The following CAMK1D variants were observed in gnomAD, a reference collection of about 807,000 sequenced individuals.
CAMK1D encodes the protein calcium/calmodulin-dependent protein kinase type 1D.
In CAMK1D, 9 loss-of-function variants were observed where a neutral mutation model predicts 47.7. The observed-to-expected ratio is 0.19, with a 90% CI of 0.11 to 0.33. The LOEUF (loss-of-function observed/expected upper bound fraction) is 0.33, where lower values mean the gene tolerates loss of function less well. CAMK1D is among the 10% of genes least tolerant of loss of function. The pLI, the probability that CAMK1D is intolerant of heterozygous loss-of-function variation, is 1.00. For missense variants in CAMK1D, 291 were observed against 488.7 expected, an observed-to-expected ratio of 0.60 and a Z score of 3.81; for synonymous variants, 184 against 184.9, an observed-to-expected ratio of 0.99 and a Z score of 0.04.
At chr10:12,417,647 C>T (rs1157944428) in intron 1 of CAMK1D, among the ~76,000 whole-genome samples, 1 of 152,078 alleles carries the variant, frequency 6.6e-6, no homozygotes, top group Non-Finnish European at 1.5e-5. Context: ...CTGGCTCCTT[C>T]AGAAATGAGG....
chr10:12,378,745 C>CT (rs1838255610), intron 1 of CAMK1D, among the ~76,000 whole-genome samples: 1 of 151,650 alleles, frequency 6.6e-6, no homozygotes, highest in Non-Finnish European at 1.5e-5. Context: ...TTACTGGACA[C>CT]TTGCAAGGTT....
At chr10:12,770,966 T>G (rs1472628117) in intron 5 of CAMK1D, among the ~76,000 whole-genome samples, 2 of 152,054 alleles carry the variant, frequency 1.3e-5, no homozygotes, top group African/African-American at 2.4e-5. Context: ...AATCTAGCTG[T>G]GTTGCAAGGT....
intron 1 of CAMK1D, among the ~76,000 whole-genome samples, chr10:12,354,334 C>G (rs1837436179): frequency 6.6e-6 from 1 of 152,112 alleles, no homozygotes; most frequent in African/African-American, 2.4e-5. Context: ...GGACATTGAC[C>G]TACATTACCT....
intron 1 of CAMK1D, among the ~76,000 whole-genome samples, chr10:12,514,921 G>T (rs1450268500): frequency 2.0e-5 from 3 of 152,158 alleles, no homozygotes; most frequent in African/African-American, 7.2e-5. Context: ...TATAATCTTG[G>T]CTCACTGCAG....
chr10:12,424,927 G>A (rs1462709233), intron 1 of CAMK1D, among the ~76,000 whole-genome samples: 1 of 152,230 alleles, frequency 6.6e-6, no homozygotes, highest in Non-Finnish European at 1.5e-5. Flanking sequence ...GTCTGAGACA[G>A]CCCTGGTATA....
At position 12,773,859 on chromosome 10, in the gene CAMK1D, A is replaced by G. The variant is rs61391592; in HGVS notation, c.565+4060A>G. Among the ~76,000 whole-genome samples the G allele has an allele frequency of 7.5e-3, 1,146 of 152,338 alleles. 16 individuals carry two copies. Among genetic ancestry groups the G allele is most frequent in the African/African-American group, 0.026 (1,095 of 41,576 alleles). On this transcript the variant is annotated intron_variant, in intron 5 of 10. Coordinates refer to ENST00000619168, the MANE Select transcript of CAMK1D (RefSeq NM_153498.4). Reference sequence around the variant, plus strand: ...GGTTGCAGTGAGCTGAGATTGCGCCACTGCACTCCAGCCTGGGCAATAGAG... The same window carrying G: ...GGTTGCAGTGAGCTGAGATTGCGCCGCTGCACTCCAGCCTGGGCAATAGAG...
rs568287191 is a variant in CAMK1D, at chr10:12,368,811, C to CTTTA, written c.92+18921_92+18924dup. 2.8e-3 allele frequency among the ~76,000 whole-genome samples: 430 copies of CTTTA among 151,002 alleles called. 5 individuals carry two copies. Among genetic ancestry groups the CTTTA allele is most frequent in the African/African-American group, 9.5e-3 (389 of 41,160 alleles). Reference sequence around the variant, plus strand: ...CAGGTGCTAAATGAAAGGACGTTGACTTTATTTATTTATTTATTTATTTTG... The same window carrying CTTTA: ...CAGGTGCTAAATGAAAGGACGTTGACTTTATTTATTTATTTATTTATTTATTTTG... On this transcript the variant is annotated intron_variant, in intron 1 of 10. Transcript: ENST00000619168.
intron 1 of CAMK1D, among the ~76,000 whole-genome samples, chr10:12,508,017 C>T (rs746823013): frequency 5.9e-5 from 9 of 152,176 alleles, no homozygotes; most frequent in South Asian, 2.1e-4. Context: ...CTGTCCCTGG[C>T]GCGTTGATTT....
At chr10:12,526,263 G>T (rs897865947) in intron 1 of CAMK1D, among the ~76,000 whole-genome samples, 2 of 152,194 alleles carry the variant, frequency 1.3e-5, no homozygotes, top group Non-Finnish European at 2.9e-5. Flanking sequence ...TATGCTGTTT[G>T]TATCTGCCCC....
intron 1 of CAMK1D, among the ~76,000 whole-genome samples, chr10:12,449,554 C>T (rs934767482): frequency 6.6e-6 from 1 of 151,338 alleles, no homozygotes; most frequent in African/African-American, 2.4e-5. Context: ...TCATGGTGAT[C>T]ATTTTATGAT....
At position 12,542,309 on chromosome 10, in the gene CAMK1D, A is replaced by G. The variant is rs548671348; in HGVS notation, c.93-10916A>G. On this transcript the variant is annotated intron_variant, in intron 1 of 10. Coordinates refer to ENST00000619168, the MANE Select transcript of CAMK1D (RefSeq NM_153498.4). ...GGGTAACGTCTGCAGGCCCAGTTAC[A>G]CAGTCTGGTAAGGGCAATAGGCTGG... Among the ~76,000 whole-genome samples, 3 of 152,230 alleles carry G rather than the reference A, an allele frequency of 2.0e-5. No homozygotes were observed. In the South Asian group the frequency reaches 6.2e-4, roughly 32 times the overall value.
At chr10:12,351,795 G>A (rs1837361894) in intron 1 of CAMK1D, among the ~76,000 whole-genome samples, 1 of 152,204 alleles carries the variant, frequency 6.6e-6, no homozygotes, top group African/African-American at 2.4e-5. Context: ...TTGGACTCCA[G>A]CCATGTTCCC....
intron 1 of CAMK1D, among the ~76,000 whole-genome samples, chr10:12,406,440 G>A (rs563397416): frequency 1.3e-3 from 200 of 152,106 alleles, no homozygotes; most frequent in African/African-American, 4.5e-3. Flanking sequence ...GCCAGATGTG[G>A]TGGCTCATGC....
At chr10:12,805,230 G>C (rs1474239108) in intron 6 of CAMK1D, among the ~76,000 whole-genome samples, 6 of 151,676 alleles carry the variant, frequency 4.0e-5, no homozygotes, top group African/African-American at 1.5e-4. Flanking sequence ...CTGCACACCA[G>C]CCTGGCAACA....
At chr10:12,415,881 T>C (rs1334334212) in intron 1 of CAMK1D, 3 of 151,892 alleles carry the variant, frequency 2.0e-5, no homozygotes, top group East Asian at 1.9e-4. Context: ...TCACAGCCCA[T>C]TGGAGCCTCG....
intron 2 of CAMK1D, among the ~76,000 whole-genome samples, chr10:12,606,667 T>C (rs890250605): frequency 1.3e-5 from 2 of 152,286 alleles, no homozygotes; most frequent in South Asian, 4.2e-4. Context: ...CATGCGTTGA[T>C]CCCTGTGGCG....
At chr10:12,734,409 C>T (rs1369769305) in intron 3 of CAMK1D, among the ~76,000 whole-genome samples, 2 of 13,120 alleles carry the variant, frequency 1.5e-4, no homozygotes, top group African/African-American at 3.1e-4. Context: ...TATATATACA[C>T]ACACACACAC....
At chr10:12,698,285 C>T (rs544933388) in intron 3 of CAMK1D, among the ~76,000 whole-genome samples, 3 of 152,248 alleles carry the variant, frequency 2.0e-5, no homozygotes, top group African/African-American at 7.2e-5. Context: ...TTTACAGTTA[C>T]CATGTATACT....
chr10:12,695,810 G>T (rs1470092342), intron 3 of CAMK1D, among the ~76,000 whole-genome samples: 1 of 152,168 alleles, frequency 6.6e-6, no homozygotes, highest in Non-Finnish European at 1.5e-5. Context: ...CGGGCATGGG[G>T]ACTCACGCCT....
Sources: gnomAD v4.1 joint callset for allele counts (sites outside exome capture counted in the v4.1 genomes callset) on GRCh38, gnomAD v4.1.1 for gene constraint, MANE v1.5 for transcripts, NCBI Gene and HGNC (gene_info 2026-07-23, HGNC 2026-07-21) for gene names.